Variants in SUMF1 observed in about 807,000 individuals in gnomAD.
SUMF1 encodes the protein formylglycine-generating enzyme.
In SUMF1, 48 loss-of-function variants were observed where a neutral mutation model predicts 47.6. The ratio of observed to expected loss-of-function variants is 1.01; its 90% confidence interval spans 0.80 to 1.28. The LOEUF (loss-of-function observed/expected upper bound fraction) is 1.28, where lower values mean the gene tolerates loss of function less well. SUMF1 is among the 50% of genes most tolerant of loss of function. The probability of loss-of-function intolerance (pLI) is 0.00; values close to 1 mark genes in which losing one functional copy is unlikely to be tolerated. For missense variants in SUMF1, 571 were observed against 485.4 expected, an observed-to-expected ratio of 1.18 and a Z score of -1.66; for synonymous variants, 230 against 192.1, an observed-to-expected ratio of 1.20 and a Z score of -1.63.
chr3:4,237,552 G>A (rs956901191), intron 8 of SUMF1, among the ~76,000 whole-genome samples: 1 of 151,796 alleles, frequency 6.6e-6, no homozygotes, highest in African/African-American at 2.4e-5. Flanking sequence ...CATGTCTTTT[G>A]CAAATATTTT....
chr3:4,136,239 C>T (rs1417738300), intron 8 of SUMF1, among the ~76,000 whole-genome samples: 2 of 152,114 alleles, frequency 1.3e-5, no homozygotes, highest in East Asian at 3.9e-4. Flanking sequence ...TACAAGGCTA[C>T]AGTAACCAAA....
chr3:4,274,652 GA>G (rs1422802645), intron 8 of SUMF1, among the ~76,000 whole-genome samples: 1 of 152,102 alleles, frequency 6.6e-6, no homozygotes, highest in Admixed American at 6.6e-5. Flanking sequence ...GTTTTCCCCT[GA>G]AAAAACTGAA....
At chr3:4,463,698 G>C (rs1015498356) in intron 1 of SUMF1, among the ~76,000 whole-genome samples, 1 of 152,168 alleles carries the variant, frequency 6.6e-6, no homozygotes, top group African/African-American at 2.4e-5. Context: ...AACCTCCTCA[G>C]ACAGGAAATC....
At chr3:4,082,066 T>C (rs1235501242) in intron 8 of SUMF1, among the ~76,000 whole-genome samples, 1 of 152,162 alleles carries the variant, frequency 6.6e-6, no homozygotes, top group East Asian at 1.9e-4. Flanking sequence ...TAGATAGATA[T>C]TGATCAAGCA....
At chr3:4,415,753 C>T (rs991267876) in intron 6 of SUMF1, among the ~76,000 whole-genome samples, 1 of 152,128 alleles carries the variant, frequency 6.6e-6, no homozygotes, top group Non-Finnish European at 1.5e-5. Flanking sequence ...ACAGAGGTTG[C>T]AGTGAGCCAA....
At chr3:4,276,808 C>A (rs777190309) in intron 8 of SUMF1, among the ~76,000 whole-genome samples, 23 of 152,198 alleles carry the variant, frequency 1.5e-4, no homozygotes, top group Middle Eastern at 3.4e-3. Flanking sequence ...GGTAAATTCC[C>A]ATACTGTGCA....
chr3:4,223,919 A>G (rs531835666), intron 8 of SUMF1, among the ~76,000 whole-genome samples: 1 of 152,262 alleles, frequency 6.6e-6, no homozygotes, highest in African/African-American at 2.4e-5. Flanking sequence ...TCATTTCTTC[A>G]TCTGTTAAAT....
chr3:4,267,902 C>G lies in SUMF1; in HGVS notation c.1014+108428G>C, dbSNP rs62259766. ...CATTACTGGGTATATACCCAAAGGA[C>G]TATAAATCATGCTGCTATAAAGACA... On this transcript the variant is annotated intron_variant and NMD_transcript_variant, in intron 8 of 12. Transcript: ENST00000448413. 1.3e-3 allele frequency among the ~76,000 whole-genome samples: 193 copies of G among 149,982 alleles called. 1 individual carries two copies. The highest frequency in any genetic ancestry group is 3.4e-3 in the Middle Eastern group (1 of 294).
intron 8 of SUMF1, among the ~76,000 whole-genome samples, chr3:4,294,285 T>C (rs1409408797): frequency 6.6e-6 from 1 of 152,158 alleles, no homozygotes; most frequent in African/African-American, 2.4e-5. Context: ...TATTCAGTAG[T>C]TACACGTGGC....
intron 8 of SUMF1, among the ~76,000 whole-genome samples, chr3:4,234,766 G>A (rs190542105): frequency 2.6e-5 from 4 of 152,200 alleles, no homozygotes; most frequent in Non-Finnish European, 1.5e-5. Flanking sequence ...GTTAAAGAGG[G>A]ATGGGGGAAC....
intron 8 of SUMF1, among the ~76,000 whole-genome samples, chr3:4,150,782 G>T (rs887644499): frequency 1.3e-5 from 2 of 151,432 alleles, no homozygotes; most frequent in African/African-American, 4.9e-5. Flanking sequence ...TCATAGCTGG[G>T]CTGAGGAGTA....
chr3:4,381,024 G>A (rs563206426), intron 7 of SUMF1, among the ~76,000 whole-genome samples: 6 of 152,250 alleles, frequency 3.9e-5, no homozygotes, highest in African/African-American at 1.2e-4. Flanking sequence ...GCCTGCTCAC[G>A]GCTACCAGGA....
At position 4,268,952 on chromosome 3, in the gene SUMF1, GGT is replaced by G. The variant is rs1697252979; in HGVS notation, c.1014+107376_1014+107377del. ...TAAGTTGCAAATCATAGCATGCTCCGGTAGTATAAGGAAACTGTTCATAGGTC... is the reference window on the plus strand; with the variant it reads ...TAAGTTGCAAATCATAGCATGCTCCGAGTATAAGGAAACTGTTCATAGGTC... On this transcript the variant is annotated intron_variant and NMD_transcript_variant, in intron 8 of 12. Coordinates refer to the SUMF1 transcript ENST00000448413. 6.4e-4 allele frequency among the ~76,000 whole-genome samples: 97 copies of G among 151,942 alleles called. 2 individuals are homozygous for G. Among genetic ancestry groups the G allele is most frequent in the Admixed American group, 6.4e-3 (97 of 15,248 alleles).
At chr3:4,071,282 C>T (rs1323877347) in intron 8 of SUMF1, among the ~76,000 whole-genome samples, 1 of 152,084 alleles carries the variant, frequency 6.6e-6, no homozygotes, top group African/African-American at 2.4e-5. Context: ...CCTGGTTCAT[C>T]TCATTGAGAC....
At chr3:4,065,803 T>C (rs758960875) in intron 9 of SUMF1, among the ~76,000 whole-genome samples, 6 of 152,086 alleles carry the variant, frequency 3.9e-5, no homozygotes, top group Non-Finnish European at 5.9e-5. Flanking sequence ...CCAACAAGGA[T>C]TGCTATAGTA....
At chr3:4,245,899 C>A (rs891265638) in intron 8 of SUMF1, among the ~76,000 whole-genome samples, 3 of 152,176 alleles carry the variant, frequency 2.0e-5, no homozygotes, top group Non-Finnish European at 4.4e-5. Flanking sequence ...GTGCTCCACC[C>A]AGTTCGAGCT....
At chr3:4,310,212 G>T (rs375970950) in intron 8 of SUMF1, among the ~76,000 whole-genome samples, 12 of 152,248 alleles carry the variant, frequency 7.9e-5, no homozygotes, top group African/African-American at 2.9e-4. Flanking sequence ...GTTTAACCGC[G>T]TGGCATGTAA....
At chr3:4,336,033 C>T (rs1349738779) in intron 8 of SUMF1, among the ~76,000 whole-genome samples, 1 of 150,282 alleles carries the variant, frequency 6.7e-6, no homozygotes, top group African/African-American at 2.5e-5. Flanking sequence ...TGTTGCTGGC[C>T]AAGGGCCAAA....
intron 9 of SUMF1, among the ~76,000 whole-genome samples, chr3:4,055,387 C>A (rs1042562363): frequency 2.0e-5 from 3 of 152,028 alleles, no homozygotes; most frequent in African/African-American, 4.8e-5. Context: ...TTTACATATA[C>A]CAGGTATATT....
Sources: allele counts gnomAD v4.1 joint callset (sites outside exome capture counted in the v4.1 genomes callset), GRCh38; gene constraint gnomAD v4.1.1; transcripts MANE v1.5; gene names NCBI Gene and HGNC (gene_info 2026-07-23, HGNC 2026-07-21).